The following AEBP1 variants were observed in gnomAD, a reference collection of about 807,000 sequenced individuals.
AEBP1 encodes AE binding protein 1, also known as adipocyte enhancer-binding protein 1.
A neutral mutation model predicts 116.5 loss-of-function variants in AEBP1; 69 were observed. That is an observed-to-expected ratio of 0.59 (90% confidence interval 0.49 to 0.72). The LOEUF (loss-of-function observed/expected upper bound fraction) is 0.72. Among genes scored for constraint, AEBP1 ranks in the 30% least tolerant of loss-of-function variants. The pLI is 0.00. For missense variants in AEBP1, 1,444 were observed against 1,557.5 expected (o/e 0.93, Z 1.23); for synonymous variants, 627 against 627.3 (o/e 1.00, Z 0.01).
At position 44,112,977 on chromosome 7, in the gene AEBP1, C is replaced by G; in HGVS notation, c.2570-14C>G. 6.2e-7 allele frequency: 1 copy of G among 1,613,912 alleles called. No individual in the cohort carries two copies. Among genetic ancestry groups the G allele is most frequent in the Non-Finnish European group, 8.5e-7 (1 of 1,179,948 alleles). On this transcript the variant is annotated splice_polypyrimidine_tract_variant and intron_variant, in intron 18 of 20. Coordinates refer to ENST00000223357, the MANE Select transcript of AEBP1 (RefSeq NM_001129.5). The surrounding 1 kb of genome is among the most constrained non-coding windows in gnomAD (Gnocchi z 6.6). ...AGAGGGGCTGACTTTGGGTCTGTAT[C>G]TGTCCCCGGCCAGCTATCAATGACT... is the stretch of plus-strand genomic sequence containing the variant.
rs539496345 is a variant in AEBP1 at position 44,111,706 on chromosome 7, G to A, written c.1840+76G>A. On this transcript the variant is annotated intron_variant, in intron 15 of 20. Transcript: ENST00000223357. This position sits in a 1 kb window ranked among gnomAD's most constrained non-coding sequence, Gnocchi z 4.7. ...CTCACTGCCTCCCGCCTGTTCCGGA[G>A]CCTCTCTGGGGATTCTGGCTTGTCT... The A allele has an allele frequency of 4.5e-5, 72 of 1,587,632 alleles. No homozygotes were observed. The East Asian group carries it at 1.6e-3, about 36-fold the overall frequency.
Position 44,112,464 on chromosome 7 carries a change from G to GT in AEBP1, c.2218-93dup, listed in dbSNP as rs1387182751. ...GGTTGGGGGACAGGGGATCGTGCGA[G>GT]TACTGGTGTGAAGCTTCATGGAGGG... On this transcript the variant is annotated intron_variant, in intron 17 of 20. Transcript: ENST00000223357. The surrounding 1 kb of genome is among the most constrained non-coding windows in gnomAD (Gnocchi z 6.6). The GT allele has an allele frequency of 8.6e-6, 12 of 1,398,002 alleles. No individual in the cohort carries two copies. Among genetic ancestry groups the GT allele is most frequent in the Non-Finnish European group, 1.2e-5 (12 of 1,032,038 alleles). The allele number at this position is 1,398,002 out of a possible 1,614,324, so 86.6% of individuals were successfully genotyped here. A position where few individuals can be genotyped will look rare whatever the true frequency, so the allele number is the denominator to read the frequency against.
chr7:44,113,200 C>T lies in AEBP1; in HGVS notation c.2710-52C>T. The T allele has an allele frequency of 1.2e-6, 2 of 1,612,952 alleles. No individual in the cohort carries two copies. On this transcript the variant is annotated intron_variant, in intron 19 of 20. Coordinates refer to ENST00000223357, the MANE Select transcript of AEBP1 (RefSeq NM_001129.5). The surrounding 1 kb of genome is among the most constrained non-coding windows in gnomAD (Gnocchi z 5.3). ...CTCCTGGATGGGCGGGAGGGAGCAGCGGACCACATTGGACCTTCCTGAGGA... is the reference window on the plus strand; with the variant it reads ...CTCCTGGATGGGCGGGAGGGAGCAGTGGACCACATTGGACCTTCCTGAGGA...
rs749678502 is a variant in AEBP1 at position 44,111,994 on chromosome 7, C to G, written c.1981C>G (p.Arg661Gly). Residue 661 changes from arginine (R) to glycine (G), a missense_variant, in exon 16 of 21, where the codon CGC becomes GGC. Physicochemically the swap from Arg to Gly is moderately radical, Grantham distance 125. Transcript: ENST00000223357. The surrounding 1 kb of genome is among the most constrained non-coding windows in gnomAD (Gnocchi z 4.7). ...TGTGCGCAGCCTGGTGCAGGACACA[C>G]GCATCCACCTGGTGCCCTCACTGAA... ...PRVRSLVQDT[R>G]IHLVPSLNPD... 1.2e-6 allele frequency: 2 copies of G among 1,613,790 alleles called. No homozygotes were observed. Among genetic ancestry groups the G allele is most frequent in the Non-Finnish European group, 1.7e-6 (2 of 1,180,018 alleles).
chr7:44,112,599 G>A lies in AEBP1; in HGVS notation c.2259G>A (p.Lys753=). Residue 753 remains lysine, a synonymous_variant, in exon 18 of 21, where the codon AAG becomes AAA. Coordinates refer to ENST00000223357, the MANE Select transcript of AEBP1 (RefSeq NM_001129.5). This position sits in a 1 kb window ranked among gnomAD's most constrained non-coding sequence, Gnocchi z 6.6. ...EVRAIIAWME[K]NPFVLGANLN... ...GGGCCATCATTGCCTGGATGGAGAA[G>A]AACCCCTTCGTGCTGGGAGCAAATC... The A allele has an allele frequency of 6.2e-7, 1 of 1,605,860 alleles. No individual in the cohort carries two copies. Among genetic ancestry groups the A allele is most frequent in the Non-Finnish European group, 8.5e-7 (1 of 1,174,112 alleles).
At position 44,114,026 on chromosome 7, in the gene AEBP1, C is replaced by T. The variant is rs773922921; in HGVS notation, c.3242C>T (p.Ser1081Leu). The T allele has an allele frequency of 1.2e-6, 2 of 1,613,874 alleles. No homozygotes were observed. The highest frequency in any genetic ancestry group is 1.7e-6 in the Non-Finnish European group (2 of 1,179,990). ...IPPTTAGWEE[S>L]ETETYTEVVT... ...CCAACCACCGCTGGCTGGGAGGAGTCGGAGACTGAGACCTACACAGAGGTG... is the reference window on the plus strand; with the variant it reads ...CCAACCACCGCTGGCTGGGAGGAGTTGGAGACTGAGACCTACACAGAGGTG... Residue 1081 changes from serine to leucine, a missense_variant, in exon 21 of 21, where the codon TCG (serine) becomes TTG (leucine). Transcript: ENST00000223357.
At position 44,114,502 on chromosome 7, in the gene AEBP1, G is replaced by A. The variant is rs1476418440; in HGVS notation, c.*241G>A. Reference sequence around the variant, plus strand: ...TCGTAAGAGATGGGGTTGCTGCAGTGTTGGAGTAGGGGCAGAGGGAGGGAG... The same window carrying A: ...TCGTAAGAGATGGGGTTGCTGCAGTATTGGAGTAGGGGCAGAGGGAGGGAG... On this transcript the variant is annotated 3_prime_UTR_variant, in exon 21 of 21. Coordinates refer to ENST00000223357, the MANE Select transcript of AEBP1 (RefSeq NM_001129.5). 1.6e-6 allele frequency: 1 copy of A among 626,842 alleles called. No individual in the cohort carries two copies. The highest frequency in any genetic ancestry group is 1.8e-5 in the African/African-American group (1 of 54,348). The allele number at this position is 626,842 out of a possible 1,614,324, so 38.8% of individuals were successfully genotyped here.
Position 44,112,663 on chromosome 7 carries a change from A to T in AEBP1, c.2323A>T (p.Met775Leu). ...GERLVSYPYD[M>L]ARTPTQEQLL... The stretch of plus-strand genomic sequence containing the variant: ...GCGGCTAGTATCCTACCCCTACGAT[A>T]TGGCCCGCACGCCTACCCAGGAGCA... The change falls in exon 18 of 21, where the codon ATG becomes TTG. Residue 775 changes from methionine to leucine, a missense_variant. By Grantham distance (15) the Met-to-Leu change is conservative. Transcript: ENST00000223357. This position sits in a 1 kb window ranked among gnomAD's most constrained non-coding sequence, Gnocchi z 6.6. 1.2e-6 allele frequency: 2 copies of T among 1,613,198 alleles called. No individual in the cohort carries two copies. Among genetic ancestry groups the T allele is most frequent in the Non-Finnish European group, 1.7e-6 (2 of 1,179,970 alleles).
Position 44,111,018 on chromosome 7 carries a change from C to G in AEBP1, c.1591C>G (p.Leu531Val). 6.2e-7 allele frequency: 1 copy of G among 1,613,760 alleles called. No individual in the cohort carries two copies. Among genetic ancestry groups the G allele is most frequent in the South Asian group, 1.1e-5 (1 of 91,042 alleles). ...RIYPLTWNGS[L>V]CMRLEVLGCS... ...CTACCCACTCACCTGGAATGGCAGC[C>G]TGTGCATGCGCCTGGAGGTGCTGGG... Residue 531 changes from leucine (L) to valine (V), a missense_variant, in exon 13 of 21, where the codon CTG becomes GTG. By Grantham distance (32) the Leu-to-Val change is conservative. Transcript: ENST00000223357. This position sits in a 1 kb window ranked among gnomAD's most constrained non-coding sequence, Gnocchi z 4.7.
In AEBP1 at chr7:44,112,953, G is replaced by A; in HGVS notation, c.2570-38G>A. 2 of 1,613,400 alleles carry A rather than the reference G, an allele frequency of 1.2e-6. No individual in the cohort carries two copies. Among genetic ancestry groups the A allele is most frequent in the Non-Finnish European group, 1.7e-6 (2 of 1,179,656 alleles). On this transcript the variant is annotated intron_variant, in intron 18 of 20. Transcript: ENST00000223357. This position sits in a 1 kb window ranked among gnomAD's most constrained non-coding sequence, Gnocchi z 6.6. ...GGCTGTGGGCGGGGCCTGGTCCGGA[G>A]AGGGGCTGACTTTGGGTCTGTATCT...
chr7:44,110,993 C>G lies in AEBP1; in HGVS notation c.1566C>G (p.Ile522Met). The G allele has an allele frequency of 6.2e-7, 1 of 1,613,970 alleles. No homozygotes were observed. Among genetic ancestry groups the G allele is most frequent in the Non-Finnish European group, 8.5e-7 (1 of 1,179,972 alleles). ...PEPVVARFIR[I>M]YPLTWNGSLC... ...CGGTGGTGGCTCGTTTCATCCGCAT[C>G]TACCCACTCACCTGGAATGGCAGCC... The change falls in exon 13 of 21, where the codon ATC becomes ATG. Residue 522 changes from isoleucine to methionine, a missense_variant. Transcript: ENST00000223357.
In AEBP1 at chr7:44,113,791, C is replaced by G; in HGVS notation, c.3007C>G (p.Pro1003Ala). 6.2e-7 allele frequency: 1 copy of G among 1,614,106 alleles called. No individual in the cohort carries two copies. Among genetic ancestry groups the G allele is most frequent in the Non-Finnish European group, 8.5e-7 (1 of 1,179,998 alleles). The change falls in exon 21 of 21, where the codon CCA becomes GCA. Residue 1003 changes from proline to alanine, a missense_variant. Coordinates refer to ENST00000223357, the MANE Select transcript of AEBP1 (RefSeq NM_001129.5). This position sits in a 1 kb window ranked among gnomAD's most constrained non-coding sequence, Gnocchi z 5.3. Reference sequence around the variant, plus strand: ...GGCCATGAACGGGAACCGGCCTATCCCACACATAGACCCATCGCGCCCTAT... The same window carrying G: ...GGCCATGAACGGGAACCGGCCTATCGCACACATAGACCCATCGCGCCCTAT... ...IMAMNGNRPI[P>A]HIDPSRPMTP...
chr7:44,107,900 GGCCCCGGCCCCA>G lies in AEBP1; in HGVS notation c.839_850del (p.Ala280_Pro283del). 1 of 1,595,736 alleles carries G rather than the reference GGCCCCGGCCCCA, an allele frequency of 6.3e-7. No individual in the cohort carries two copies. Among genetic ancestry groups the G allele is most frequent in the Non-Finnish European group, 8.5e-7 (1 of 1,171,894 alleles). On this transcript the variant is annotated inframe_deletion, in exon 5 of 21. Transcript: ENST00000223357. This position sits in a 1 kb window ranked among gnomAD's most constrained non-coding sequence, Gnocchi z 4.3. The stretch of plus-strand genomic sequence containing the variant: ...TCTGGCCAGAGCCCCCTGAGGAGAA[GGCCCCGGCCCCA>G]GCCCCGGAGGAGAGGATTGGTAGGA...
At position 44,109,325 on chromosome 7, in the gene AEBP1, G is replaced by A. The variant is rs376053706; in HGVS notation, c.1134G>A (p.Thr378=). ...GCGAGGAGTTGGAGGAGGAGTGGACGCCTACGGAGAAAGTCAGTAAGTGGG... is the reference window on the plus strand; with the variant it reads ...GCGAGGAGTTGGAGGAGGAGTGGACACCTACGGAGAAAGTCAGTAAGTGGG... The part of the protein sequence containing the change: ...RKGEELEEEW[T]PTEKVKCPPI... The change falls in exon 9 of 21, where the codon ACG becomes ACA. Residue 378 remains threonine, a synonymous_variant. Coordinates refer to ENST00000223357, the MANE Select transcript of AEBP1 (RefSeq NM_001129.5). The A allele has an allele frequency of 8.1e-6, 12 of 1,474,442 alleles. No individual in the cohort carries two copies. Among genetic ancestry groups the A allele is most frequent in the South Asian group, 6.8e-5 (6 of 88,160 alleles). 91.3% of individuals were successfully genotyped at this position (1,474,442 alleles called of 1,614,324 possible). A position where few individuals can be genotyped will look rare whatever the true frequency, so the allele number is the denominator to read the frequency against.
Position 44,111,315 on chromosome 7 carries a change from C to A in AEBP1, c.1716+76C>A. 1.4e-6 allele frequency: 2 copies of A among 1,435,788 alleles called. No homozygotes were observed. Among genetic ancestry groups the A allele is most frequent in the Non-Finnish European group, 1.8e-6 (2 of 1,081,978 alleles). 88.9% of individuals were successfully genotyped at this position (1,435,788 alleles called of 1,614,324 possible). On this transcript the variant is annotated intron_variant, in intron 14 of 20. Transcript: ENST00000223357. The surrounding 1 kb of genome is among the most constrained non-coding windows in gnomAD (Gnocchi z 4.7). Reference sequence around the variant, plus strand: ...GGGAGTGTGTGCCTGGTGCTTCTGTCACTGGGCCCAGTCCCTACTGGTTCC... The same window carrying A: ...GGGAGTGTGTGCCTGGTGCTTCTGTAACTGGGCCCAGTCCCTACTGGTTCC...
In AEBP1 at chr7:44,113,586, C is replaced by T. The variant is rs1268730977; in HGVS notation, c.2810-8C>T. ...CTCTGGGGCAGCCGGATCGTTCTCC[C>T]TCCGCAGCCAGTGGTGGTGATTACT... On this transcript the variant is annotated splice_polypyrimidine_tract_variant and splice_region_variant and intron_variant, in intron 20 of 20. Transcript: ENST00000223357. The surrounding 1 kb of genome is among the most constrained non-coding windows in gnomAD (Gnocchi z 5.3). The T allele has an allele frequency of 1.2e-6, 2 of 1,605,546 alleles. No individual in the cohort carries two copies. The highest frequency in any genetic ancestry group is 8.5e-7 in the Non-Finnish European group (1 of 1,177,544).
chr7:44,108,042 CCT>C lies in AEBP1; in HGVS notation c.899_900del (p.Pro300ArgfsTer4), dbSNP rs1562685343. The C allele has an allele frequency of 6.2e-7, 1 of 1,600,454 alleles. No homozygotes were observed. Among genetic ancestry groups the C allele is most frequent in the Non-Finnish European group, 8.5e-7 (1 of 1,174,790 alleles). ...GAAGCCTCTGCTGCCCCCGCTGCCCCCTGACTATGGTGATGGTTACGTGATCC... is the reference window on the plus strand; with the variant it reads ...GAAGCCTCTGCTGCCCCCGCTGCCCCGACTATGGTGATGGTTACGTGATCC... ...PVKPLLPPLP[P>X]DYGDGYVIPN... On this transcript the variant is annotated frameshift_variant, in exon 6 of 21. Transcript: ENST00000223357. LOFTEE classifies it high-confidence loss of function. This position sits in a 1 kb window ranked among gnomAD's most constrained non-coding sequence, Gnocchi z 5.0.
rs1437133177 is a variant in AEBP1 at position 44,112,321 on chromosome 7, G to C, written c.2217G>C (p.Thr739=). 6.5e-7 allele frequency: 1 copy of C among 1,544,086 alleles called. No individual in the cohort carries two copies. Among genetic ancestry groups the C allele is most frequent in the Non-Finnish European group, 8.8e-7 (1 of 1,142,768 alleles). Residue 739 remains threonine (T), a splice_region_variant and synonymous_variant, in exon 17 of 21, where the codon ACG becomes ACC. Transcript: ENST00000223357. This position sits in a 1 kb window ranked among gnomAD's most constrained non-coding sequence, Gnocchi z 6.6. The part of the protein sequence containing the change: ...IPERYLSPDA[T]VSTEVRAIIA... ...AACGCTACCTTTCGCCAGATGCCAC[G>C]GTGAGGCTACAGCCTGGCTGAAAGG...
At position 44,104,774 on chromosome 7, in the gene AEBP1, T is replaced by G. The variant is rs1272425975; in HGVS notation, c.109T>G (p.Phe37Val). 1.2e-6 allele frequency: 2 copies of G among 1,609,354 alleles called. No individual in the cohort carries two copies. Among genetic ancestry groups the G allele is most frequent in the African/African-American group, 2.7e-5 (2 of 74,222 alleles). Residue 37 changes from phenylalanine to valine, a missense_variant, in exon 1 of 21, where the codon TTC becomes GTC. Phe to Val is a conservative substitution (Grantham distance 50). Coordinates refer to ENST00000223357, the MANE Select transcript of AEBP1 (RefSeq NM_001129.5). ...GCTGACCGACGACGAGATCGAGGAGTTCCTCGAGGGCTTCCTGTCAGAGCT... is the reference window on the plus strand; with the variant it reads ...GCTGACCGACGACGAGATCGAGGAGGTCCTCGAGGGCTTCCTGTCAGAGCT... ...TVLTDDEIEEFLEGFLSELEP... is the reference protein window; with the variant it reads ...TVLTDDEIEEVLEGFLSELEP...
Sources: allele counts gnomAD v4.1 joint callset, GRCh38; gene constraint gnomAD v4.1.1; non-coding constraint Gnocchi (gnomAD v3.1); transcripts MANE v1.5; gene names NCBI Gene and HGNC (gene_info 2026-07-23, HGNC 2026-07-21).